SCN11A: variants seen among roughly 807,000 people sequenced by gnomAD.
SCN11A encodes sodium voltage-gated channel alpha subunit 11, also known as sodium channel protein type 11 subunit alpha.
In SCN11A, 122 loss-of-function variants were observed where a neutral mutation model predicts 162.2. The observed-to-expected ratio is 0.75, with a 90% CI of 0.65 to 0.87. The LOEUF (loss-of-function observed/expected upper bound fraction) is 0.87. SCN11A is among the 40% of genes least tolerant of loss of function. The probability of loss-of-function intolerance (pLI) is 0.00; values close to 1 mark genes in which losing one functional copy is unlikely to be tolerated. For missense variants in SCN11A, 2,015 were observed against 2,181.6 expected (o/e 0.92, Z 1.52); for synonymous variants, 758 against 751.5 (o/e 1.01, Z -0.14).
chr3:38,969,431 G>A (rs1038518031), intron 2 of SCN11A, among the ~76,000 whole-genome samples: 4 of 152,152 alleles, frequency 2.6e-5, no homozygotes, highest in Non-Finnish European at 4.4e-5. Flanking sequence ...AAATCTCAGC[G>A]GCCTGCTGTG....
intron 22 of SCN11A, among the ~76,000 whole-genome samples, chr3:38,881,148 A>C (rs1575239742): frequency 1.3e-5 from 2 of 152,228 alleles, no homozygotes; most frequent in Non-Finnish European, 2.9e-5. Context: ...TTCAGCTTTA[A>C]GATTTCAGCT....
At chr3:39,040,466 A>G (rs1198333417) in intron 1 of SCN11A, among the ~76,000 whole-genome samples, 4 of 152,236 alleles carry the variant, frequency 2.6e-5, no homozygotes, top group Non-Finnish European at 4.4e-5. Flanking sequence ...AACACAAGAA[A>G]CATAAGAAAA....
Position 38,875,372 on chromosome 3 carries a change from G to A in SCN11A, c.3394-3078C>T, listed in dbSNP as rs184191765. 2.7e-3 allele frequency among the ~76,000 whole-genome samples: 418 copies of A among 152,068 alleles called. 1 individual carries two copies. Among genetic ancestry groups the A allele is most frequent in the Admixed American group, 5.7e-3 (87 of 15,250 alleles). On this transcript the variant is annotated intron_variant, in intron 23 of 29. Transcript: ENST00000302328. ...CTTTGTAACAATTTGAATAAGATGAGATTAATTCTTCCTTGGAAGTTTGGT... is the reference window on the plus strand; with the variant it reads ...CTTTGTAACAATTTGAATAAGATGAAATTAATTCTTCCTTGGAAGTTTGGT...
chr3:38,980,224 C>T (rs1048392155), intron 2 of SCN11A, among the ~76,000 whole-genome samples: 1 of 151,002 alleles, frequency 6.6e-6, no homozygotes, highest in African/African-American at 2.5e-5. Flanking sequence ...TCTCTTTCTG[C>T]TTTCTTTGAG....
intron 13 of SCN11A, 44 bp downstream of exon 13, chr3:38,908,953 C>T (rs1450311565): frequency 6.4e-7 from 1 of 1,574,306 alleles, no homozygotes. Context: ...GGGACCCCTT[C>T]CCCTCCCCAG....
intron 23 of SCN11A, among the ~76,000 whole-genome samples, chr3:38,874,857 G>C (rs1428304848): frequency 6.6e-6 from 1 of 152,122 alleles, no homozygotes; most frequent in Non-Finnish European, 1.5e-5. Context: ...TTAGAGTATT[G>C]TTGAATACAA....
intron 27 of SCN11A, 71 bp downstream of exon 27, chr3:38,867,250 G>C (rs1014251191): frequency 2.1e-6 from 3 of 1,436,366 alleles, no homozygotes; most frequent in Non-Finnish European, 2.9e-6. Flanking sequence ...TTCTAGGCCA[G>C]AATTATGTTT....
intron 2 of SCN11A, among the ~76,000 whole-genome samples, chr3:39,000,020 C>T (rs1559569509): frequency 6.6e-6 from 1 of 152,212 alleles, no homozygotes; most frequent in African/African-American, 2.4e-5. Flanking sequence ...TCAGGCTTGG[C>T]TCTCAGCTCC....
rs570439209 is a variant in SCN11A at position 38,894,730 on chromosome 3, T to A, written c.2638A>T (p.Ile880Phe). Residue 880 changes from isoleucine (I) to phenylalanine (F), a missense_variant, in exon 19 of 30, where the codon ATC becomes TTC. By Grantham distance (21) the Ile-to-Phe change is conservative. Transcript: ENST00000302328. ...AGGCAAQSKD[I>F]IPLVMEMKRG... is the part of the protein sequence containing the mutation. ...TTCATCTCCATGACCAGGGGAATGATGTCTTTGCTTTGTGCAGCACAGCCT... is the reference window on the plus strand; with the variant it reads ...TTCATCTCCATGACCAGGGGAATGAAGTCTTTGCTTTGTGCAGCACAGCCT... 4.2e-5 allele frequency: 68 copies of A among 1,614,214 alleles called. 1 individual carries two copies. The South Asian group carries it at 7.0e-4, about 17-fold the overall frequency.
rs770592720 is a variant in SCN11A, at chr3:38,905,230, G to T, written c.1565C>A (p.Ala522Glu). Reference protein sequence around the residue: ...EHGDPLQRQRALSAVSILTIT... With the variant: ...EHGDPLQRQRELSAVSILTIT... Reference sequence around the variant, plus strand: ...GGTGAGGATGCTGACAGCACTCAGTGCTCTCTGCCTTTGGAGAGGATCTCC... The same window carrying T: ...GGTGAGGATGCTGACAGCACTCAGTTCTCTCTGCCTTTGGAGAGGATCTCC... Residue 522 changes from alanine to glutamate, a missense_variant, in exon 15 of 30, where the codon GCA (alanine) becomes GAA (glutamate). Transcript: ENST00000302328. 6.2e-7 allele frequency: 1 copy of T among 1,614,070 alleles called. No homozygotes were observed. The highest frequency in any genetic ancestry group is 1.7e-5 in the Admixed American group (1 of 60,032).
chr3:39,029,878 C>A (rs2031701024), intron 2 of SCN11A, among the ~76,000 whole-genome samples: 1 of 152,158 alleles, frequency 6.6e-6, no homozygotes, highest in Admixed American at 6.5e-5. Context: ...ATAAAGAATG[C>A]CTGTGCTTTC....
chr3:38,872,245 G>A lies in SCN11A; in HGVS notation c.3443C>T (p.Thr1148Ile). 6.2e-7 allele frequency: 1 copy of A among 1,611,280 alleles called. No individual in the cohort carries two copies. The highest frequency in any genetic ancestry group is 8.5e-7 in the Non-Finnish European group (1 of 1,177,588). ...INLMELKSFRTLRALRPLRAL... is the reference protein window; with the variant it reads ...INLMELKSFRILRALRPLRAL... ...ACGAAGAGGCCTCAGTGCTCGTAGAGTCCGGAAGGACTTCAATTCCATTAA... is the reference window on the plus strand; with the variant it reads ...ACGAAGAGGCCTCAGTGCTCGTAGAATCCGGAAGGACTTCAATTCCATTAA... Residue 1148 changes from threonine (T) to isoleucine (I), a missense_variant, in exon 24 of 30, where the codon ACT becomes ATT. By Grantham distance (89) the Thr-to-Ile change is moderately conservative. Transcript: ENST00000302328.
intron 1 of SCN11A, among the ~76,000 whole-genome samples, chr3:39,037,756 C>T (rs1044299620): frequency 1.3e-5 from 2 of 152,088 alleles, no homozygotes; most frequent in Non-Finnish European, 2.9e-5. Flanking sequence ...TGGAACAAAT[C>T]CCCCATAGAT....
intron 2 of SCN11A, among the ~76,000 whole-genome samples, chr3:38,969,377 C>A (rs2066803115): frequency 6.6e-6 from 1 of 152,206 alleles, no homozygotes; most frequent in African/African-American, 2.4e-5. Context: ...AGGGGCAGCA[C>A]CACCAAGCAC....
chr3:38,885,593 G>A (rs1158783941), intron 20 of SCN11A, among the ~76,000 whole-genome samples, 191 bp from the exon 21 acceptor site: 1 of 152,186 alleles, frequency 6.6e-6, no homozygotes, highest in Non-Finnish European at 1.5e-5. Flanking sequence ...CCTGACTTCA[G>A]AAGAGAACTC....
chr3:38,910,770 A>G (rs2065876414), intron 11 of SCN11A, among the ~76,000 whole-genome samples: 1 of 152,188 alleles, frequency 6.6e-6, no homozygotes, highest in South Asian at 2.1e-4. Context: ...AATGATGAAT[A>G]TTTAGGTTTC....
intron 2 of SCN11A, among the ~76,000 whole-genome samples, chr3:38,991,489 G>C (rs571112582): frequency 6.6e-6 from 1 of 152,154 alleles, no homozygotes; most frequent in African/African-American, 2.4e-5. Context: ...GGCGATCATA[G>C]AGAGATGAAG....
At chr3:39,047,633 C>A (rs924876022) in intron 1 of SCN11A, among the ~76,000 whole-genome samples, 23 of 152,022 alleles carry the variant, frequency 1.5e-4, no homozygotes, top group African/African-American at 5.1e-4. Flanking sequence ...ATTCATCCAA[C>A]AAGGAATTAA....
intron 9 of SCN11A, 96 bp downstream of exon 9, chr3:38,925,319 T>C: frequency 2.6e-6 from 2 of 782,592 alleles, no homozygotes; most frequent in Non-Finnish European, 2.1e-6. Flanking sequence ...AGGCTTTGTT[T>C]GTTTTTGGTT....
Sources: allele counts gnomAD v4.1 joint callset (sites outside exome capture counted in the v4.1 genomes callset), GRCh38; gene constraint gnomAD v4.1.1; transcripts MANE v1.5; gene names NCBI Gene and HGNC (gene_info 2026-07-23, HGNC 2026-07-21).